KIAA1328: variants seen among roughly 807,000 people sequenced by gnomAD.
KIAA1328 encodes KIAA1328, also known as protein hinderin.
In KIAA1328, 52 loss-of-function variants were observed where a neutral mutation model predicts 68.1. The ratio of observed to expected loss-of-function variants is 0.76; its 90% CI spans 0.61 to 0.96. KIAA1328 has a LOEUF of 0.96. Ranked by LOEUF, KIAA1328 falls within the 40% of genes least tolerant of loss-of-function variation. The pLI is 0.00. For missense variants in KIAA1328, 641 were observed against 677.6 expected, an observed-to-expected ratio of 0.95 and a Z score of 0.60; for synonymous variants, 232 against 239.4, an observed-to-expected ratio of 0.97 and a Z score of 0.28.
At chr18:36,932,881 G>A (rs1002675240) in intron 5 of KIAA1328, among the ~76,000 whole-genome samples, 4 of 152,122 alleles carry the variant, frequency 2.6e-5, no homozygotes, top group Non-Finnish European at 5.9e-5. Flanking sequence ...TGTCTTCATG[G>A]TAGTTGGTAA....
At chr18:36,943,448 CAGATAA>C (rs1342578819) in intron 5 of KIAA1328, among the ~76,000 whole-genome samples, 1 of 152,084 alleles carries the variant, frequency 6.6e-6, no homozygotes, top group African/African-American at 2.4e-5. Flanking sequence ...AACTAGGGGC[CAGATAA>C]AGATAAACTG....
At position 36,855,981 on chromosome 18, in the gene KIAA1328, T is replaced by C. The variant is rs767079743; in HGVS notation, c.332+11679T>C. Among the ~76,000 whole-genome samples the C allele has an allele frequency of 1.0e-3, 157 of 152,146 alleles. 3 individuals carry two copies. The highest frequency in any genetic ancestry group is 9.9e-4 in the Non-Finnish European group (67 of 67,974). ...GGATTGTTAGTTAACAGGATTTTTT[T>C]TTTCTTTCAGGATTTAAAATATGTC... On this transcript the variant is annotated intron_variant, in intron 4 of 9. Transcript: ENST00000280020.
chr18:36,971,752 C>A (rs1469003085), intron 6 of KIAA1328, among the ~76,000 whole-genome samples: 1 of 152,144 alleles, frequency 6.6e-6, no homozygotes, highest in African/African-American at 2.4e-5. Context: ...TTATCCTTAG[C>A]AAACTAACAG....
chr18:36,928,793 A>C (rs765359310), intron 5 of KIAA1328, among the ~76,000 whole-genome samples: 50 of 152,070 alleles, frequency 3.3e-4, no homozygotes, highest in Non-Finnish European at 6.6e-4. Flanking sequence ...TAATTTTGTA[A>C]AGTTAATAAC....
intron 7 of KIAA1328, among the ~76,000 whole-genome samples, chr18:37,098,861 T>C (rs2057503535): frequency 6.6e-6 from 1 of 152,258 alleles, no homozygotes; most frequent in Non-Finnish European, 1.5e-5. Context: ...TTTATTTGTG[T>C]AGAAGTTTTT....
At chr18:36,929,695 G>A (rs2050244418) in intron 5 of KIAA1328, among the ~76,000 whole-genome samples, 1 of 152,012 alleles carries the variant, frequency 6.6e-6, no homozygotes, top group Admixed American at 6.6e-5. Context: ...CCTTATAAAA[G>A]AGGCTCCAGG....
At chr18:37,003,371 AAAG>A (rs2053659882) in intron 6 of KIAA1328, among the ~76,000 whole-genome samples, 2 of 152,144 alleles carry the variant, frequency 1.3e-5, no homozygotes, top group Admixed American at 1.3e-4. Flanking sequence ...GCACGGCACT[AAAG>A]AAGTAATCAA....
intron 6 of KIAA1328, among the ~76,000 whole-genome samples, chr18:36,972,349 T>C (rs2052259230): frequency 1.3e-5 from 2 of 152,196 alleles, no homozygotes; most frequent in Admixed American, 6.5e-5. Flanking sequence ...TTTTTTCTTC[T>C]TTAGGTGCAG....
intron 9 of KIAA1328, among the ~76,000 whole-genome samples, chr18:37,211,641 T>G (rs910110513): frequency 6.6e-6 from 1 of 152,222 alleles, no homozygotes; most frequent in Non-Finnish European, 1.5e-5. Flanking sequence ...CCATTGGAAT[T>G]CTGAAGGTAA....
intron 7 of KIAA1328, among the ~76,000 whole-genome samples, chr18:37,113,775 A>G (rs987182866): frequency 2.0e-4 from 31 of 152,372 alleles, no homozygotes; most frequent in Non-Finnish European, 3.5e-4. Context: ...TCTCACGTTC[A>G]GAGACACACA....
chr18:37,101,442 T>C (rs547745389), intron 7 of KIAA1328, among the ~76,000 whole-genome samples: 1 of 152,046 alleles, frequency 6.6e-6, no homozygotes, highest in South Asian at 2.1e-4. Flanking sequence ...ATGAATGAAA[T>C]GAAGCGAGAA....
chr18:37,124,185 C>T (rs530663046), intron 7 of KIAA1328, among the ~76,000 whole-genome samples: 1 of 152,130 alleles, frequency 6.6e-6, no homozygotes, highest in Non-Finnish European at 1.5e-5. Context: ...ATGCAGAATA[C>T]TGGTGGACAA....
At position 37,224,640 on chromosome 18, in the gene KIAA1328, G is replaced by A. The variant is rs2060616337; in HGVS notation, c.*2413G>A. On this transcript the variant is annotated 3_prime_UTR_variant, in exon 10 of 10. Coordinates refer to ENST00000280020, the MANE Select transcript of KIAA1328 (RefSeq NM_020776.3). The stretch of plus-strand genomic sequence containing the variant: ...CATATGAATGAAAGGTTGTTACAGA[G>A]CCTCAAAGCTGTTGCAGACTATCCC... 1.0e-6 allele frequency: 1 copy of A among 985,246 alleles called. No individual in the cohort carries two copies. The highest frequency in any genetic ancestry group is 1.7e-5 in the African/African-American group (1 of 57,314). The allele number at this position is 985,246 out of a possible 1,614,324, so 61.0% of individuals were successfully genotyped here.
At chr18:37,166,037 A>ATTT (rs1157622407) in intron 8 of KIAA1328, among the ~76,000 whole-genome samples, 1 of 136,104 alleles carries the variant, frequency 7.3e-6, no homozygotes. Context: ...TGGGGTGGTA[A>ATTT]TTTTTTTTTT....
chr18:36,883,094 T>C (rs985300361), intron 4 of KIAA1328, among the ~76,000 whole-genome samples: 1 of 152,216 alleles, frequency 6.6e-6, no homozygotes, highest in Non-Finnish European at 1.5e-5. Flanking sequence ...TATCTACTTA[T>C]AGATTTTCTT....
Position 36,934,958 on chromosome 18 carries a change from A to G in KIAA1328, c.449-24350A>G, listed in dbSNP as rs538289313. Reference sequence around the variant, plus strand: ...AAAGGGCAAATCACTTTAAAAACCAATCACTGTGATCTTAGACACTGTTGT... The same window carrying G: ...AAAGGGCAAATCACTTTAAAAACCAGTCACTGTGATCTTAGACACTGTTGT... On this transcript the variant is annotated intron_variant, in intron 5 of 9. Coordinates refer to ENST00000280020, the MANE Select transcript of KIAA1328 (RefSeq NM_020776.3). 5.3e-5 allele frequency among the ~76,000 whole-genome samples: 8 copies of G among 152,310 alleles called. No homozygotes were observed. The East Asian group carries it at 7.7e-4, about 15-fold the overall frequency.
intron 6 of KIAA1328, among the ~76,000 whole-genome samples, chr18:37,005,293 G>A (rs1484500846): frequency 6.6e-6 from 1 of 152,070 alleles, no homozygotes; most frequent in Non-Finnish European, 1.5e-5. Context: ...CAAAGGACAT[G>A]AGTATACATT....
rs2050806719 is a variant in KIAA1328 at position 36,944,100 on chromosome 18, G to T, written c.449-15208G>T. 3.3e-5 allele frequency among the ~76,000 whole-genome samples: 5 copies of T among 152,274 alleles called. No individual in the cohort carries two copies. In the South Asian group the frequency reaches 1.0e-3, roughly 32 times the overall value. ...TGGAAGAATTGGATGTTTATCAATT[G>T]TCTTACCTACACTTCATAAACTATA... On this transcript the variant is annotated intron_variant, in intron 5 of 9. Transcript: ENST00000280020.
chr18:37,028,576 C>T (rs1326995635), intron 6 of KIAA1328, among the ~76,000 whole-genome samples: 2 of 151,362 alleles, frequency 1.3e-5, no homozygotes, highest in Non-Finnish European at 1.5e-5. Flanking sequence ...ATAGGAGTGG[C>T]GAAAATGGAT....
Sources: gnomAD v4.1 joint callset for allele counts (sites outside exome capture counted in the v4.1 genomes callset) on GRCh38, gnomAD v4.1.1 for gene constraint, MANE v1.5 for transcripts, NCBI Gene and HGNC (gene_info 2026-07-23, HGNC 2026-07-21) for gene names.